Variants in ZDHHC14 observed in about 807,000 individuals in gnomAD.
ZDHHC14 encodes zDHHC palmitoyltransferase 14.
ZDHHC14 carries 16 observed loss-of-function variants against 47.7 expected under a neutral mutation model. The ratio of observed to expected loss-of-function variants is 0.34; its 90% confidence interval spans 0.23 to 0.51. The LOEUF is 0.51. Among genes scored for constraint, ZDHHC14 ranks in the 20% least tolerant of loss-of-function variants. The probability of loss-of-function intolerance (pLI) is 0.97; values close to 1 mark genes in which losing one functional copy is unlikely to be tolerated. For missense variants in ZDHHC14, 515 were observed against 662.5 expected (o/e 0.78, Z 2.44); for synonymous variants, 293 against 278.9 (o/e 1.05, Z -0.50).
intron 1 of ZDHHC14, among the ~76,000 whole-genome samples, chr6:157,421,854 C>A (rs1011399004): frequency 2.0e-5 from 3 of 152,080 alleles, no homozygotes; most frequent in African/African-American, 7.2e-5. Context: ...GTGATCCACC[C>A]GCCTTGGCCT....
chr6:157,416,680 A>AG (rs1777979164), intron 1 of ZDHHC14, among the ~76,000 whole-genome samples: 1 of 145,648 alleles, frequency 6.9e-6, no homozygotes, highest in Admixed American at 7.1e-5. Context: ...TAAAAAAAAA[A>AG]AAAAAAAAAA....
intron 3 of ZDHHC14, among the ~76,000 whole-genome samples, chr6:157,614,135 G>T (rs920617841): frequency 6.6e-6 from 1 of 152,160 alleles, no homozygotes; most frequent in African/African-American, 2.4e-5. Context: ...CTCTTGGTAG[G>T]GGGGATGGGG....
intron 1 of ZDHHC14, among the ~76,000 whole-genome samples, chr6:157,469,049 A>T (rs1183868476): frequency 6.6e-6 from 1 of 152,204 alleles, no homozygotes; most frequent in Non-Finnish European, 1.5e-5. Flanking sequence ...TCTCTGGGAC[A>T]AGATGGCCAA....
At chr6:157,408,675 T>A (rs1777815546) in intron 1 of ZDHHC14, among the ~76,000 whole-genome samples, 1 of 152,240 alleles carries the variant, frequency 6.6e-6, no homozygotes, top group Non-Finnish European at 1.5e-5. Flanking sequence ...CCATGGCATA[T>A]ATGTACCACA....
intron 4 of ZDHHC14, chr6:157,629,835 G>A (rs887280837): frequency 7.2e-5 from 11 of 152,106 alleles, no homozygotes; most frequent in Admixed American, 7.2e-4. Context: ...ATGTGGCTAG[G>A]GTCCTATCTG....
rs186072872 is a variant in ZDHHC14 at position 157,635,402 on chromosome 6, G to A, written c.752+2520G>A. On this transcript the variant is annotated intron_variant, in intron 5 of 8. Coordinates refer to ENST00000359775, the MANE Select transcript of ZDHHC14 (RefSeq NM_024630.3). Reference sequence around the variant, plus strand: ...GAGACCAAGTAGGCAGTCCTGGACTGGGGTCAAATCTTTTAATACCTGCTC... The same window carrying A: ...GAGACCAAGTAGGCAGTCCTGGACTAGGGTCAAATCTTTTAATACCTGCTC... Among the ~76,000 whole-genome samples the A allele has an allele frequency of 2.6e-5, 4 of 152,346 alleles. No homozygotes were observed. The East Asian group carries it at 7.7e-4, about 29-fold the overall frequency.
intron 8 of ZDHHC14, among the ~76,000 whole-genome samples, chr6:157,657,784 T>G (rs1272142842): frequency 6.6e-6 from 1 of 152,256 alleles, no homozygotes; most frequent in Admixed American, 6.5e-5. Context: ...CAGAGACATC[T>G]GTTCCACATG....
intron 1 of ZDHHC14, among the ~76,000 whole-genome samples, chr6:157,527,360 C>G (rs1375091774): frequency 6.6e-6 from 1 of 152,186 alleles, no homozygotes; most frequent in Non-Finnish European, 1.5e-5. Context: ...GTTGATATTC[C>G]TTTGCTCAAC....
At chr6:157,403,707 G>C (rs1037558736) in intron 1 of ZDHHC14, among the ~76,000 whole-genome samples, 3 of 152,260 alleles carry the variant, frequency 2.0e-5, no homozygotes. Flanking sequence ...CTGTAGAGCT[G>C]ATTAGCTGAG....
chr6:157,428,519 T>C (rs1275156986), intron 1 of ZDHHC14, among the ~76,000 whole-genome samples: 1 of 152,130 alleles, frequency 6.6e-6, no homozygotes, highest in East Asian at 1.9e-4. Flanking sequence ...GTACTGTGAC[T>C]TTTTCAGCTG....
At chr6:157,388,591 A>G (rs1777363671) in intron 1 of ZDHHC14, among the ~76,000 whole-genome samples, 1 of 152,210 alleles carries the variant, frequency 6.6e-6, no homozygotes, top group African/African-American at 2.4e-5. Flanking sequence ...ATAAAATGTC[A>G]GTTCATTCAG....
intron 8 of ZDHHC14, among the ~76,000 whole-genome samples, 198 bp from the exon 9 acceptor site, chr6:157,672,526 G>A (rs1778841849): frequency 6.6e-6 from 1 of 152,104 alleles, no homozygotes; most frequent in African/African-American, 2.4e-5. Flanking sequence ...GGCAATTGCA[G>A]CACCAGGCGC....
chr6:157,672,250 C>T (rs1206474699), intron 8 of ZDHHC14, among the ~76,000 whole-genome samples: 1 of 152,198 alleles, frequency 6.6e-6, no homozygotes, highest in Non-Finnish European at 1.5e-5. Flanking sequence ...CATCAGTGGA[C>T]ACTTGAGTCA....
rs144638511 is a variant in ZDHHC14, at chr6:157,672,940, C to A, written c.1285C>A (p.Arg429=). The A allele has an allele frequency of 6.2e-7, 1 of 1,601,858 alleles. No homozygotes were observed. The highest frequency in any genetic ancestry group is 1.7e-5 in the Admixed American group (1 of 59,302). ...GGCCACGCTCGCGGACGTGATGCCC[C>A]GGAAAGATGAGCACATGGGCCACCA... The part of the protein sequence containing the change: ...AEATLADVMP[R]KDEHMGHQFL... Residue 429 remains arginine (R), a synonymous_variant, in exon 9 of 9, where the codon CGG becomes AGG. Transcript: ENST00000359775.
chr6:157,604,028 G>T (rs983120229), intron 3 of ZDHHC14, among the ~76,000 whole-genome samples: 27 of 152,138 alleles, frequency 1.8e-4, no homozygotes, highest in African/African-American at 6.0e-4. Context: ...AATTATGTCT[G>T]TACTGAATGG....
At position 157,639,159 on chromosome 6, in the gene ZDHHC14, C is replaced by T. The variant is rs111639865; in HGVS notation, c.752+6277C>T. Among the ~76,000 whole-genome samples, 162 of 152,324 alleles carry T rather than the reference C, an allele frequency of 1.1e-3. 1 individual carries two copies. Among genetic ancestry groups the T allele is most frequent in the African/African-American group, 3.7e-3 (154 of 41,574 alleles). Reference sequence around the variant, plus strand: ...GTGTGCGACAGAAAACTGGGAGGGGCTGTGATAGCTAAACCCCGATGGGGT... The same window carrying T: ...GTGTGCGACAGAAAACTGGGAGGGGTTGTGATAGCTAAACCCCGATGGGGT... On this transcript the variant is annotated intron_variant, in intron 5 of 8. Coordinates refer to ENST00000359775, the MANE Select transcript of ZDHHC14 (RefSeq NM_024630.3).
chr6:157,562,067 G>A (rs544471108), intron 2 of ZDHHC14, among the ~76,000 whole-genome samples: 1 of 152,318 alleles, frequency 6.6e-6, no homozygotes. Context: ...AACTCACACA[G>A]CTTTTCACAG....
intron 8 of ZDHHC14, among the ~76,000 whole-genome samples, chr6:157,658,990 A>G (rs1394634954): frequency 6.6e-6 from 1 of 152,114 alleles, no homozygotes; most frequent in East Asian, 1.9e-4. Context: ...TCTACTTATT[A>G]TAGGTCTATT....
At chr6:157,503,505 T>C (rs570819607) in intron 1 of ZDHHC14, among the ~76,000 whole-genome samples, 1 of 152,280 alleles carries the variant, frequency 6.6e-6, no homozygotes, top group Non-Finnish European at 1.5e-5. Flanking sequence ...TGCTGTTTAA[T>C]GGGGGTGGAG....
Sources: gnomAD v4.1 joint callset for allele counts (sites outside exome capture counted in the v4.1 genomes callset) on GRCh38, gnomAD v4.1.1 for gene constraint, MANE v1.5 for transcripts, NCBI Gene and HGNC (gene_info 2026-07-23, HGNC 2026-07-21) for gene names.